LGR4: variants seen among roughly 807,000 people sequenced by gnomAD.
The protein encoded by LGR4 is leucine rich repeat containing G protein-coupled receptor 4.
In LGR4, 44 loss-of-function variants were observed where a neutral mutation model predicts 84.8. That is an observed-to-expected ratio of 0.52 (90% CI 0.41 to 0.67). The LOEUF is 0.67. Ranked by LOEUF, LGR4 falls within the 30% of genes least tolerant of loss-of-function variation. The pLI, the probability that LGR4 is intolerant of heterozygous loss-of-function variation, is 0.00. For missense variants in LGR4, 1,032 were observed against 1,131.4 expected (o/e 0.91, Z 1.26); for synonymous variants, 429 against 434.3 (o/e 0.99, Z 0.15).
chr11:27,472,090 C>CT lies in LGR4; in HGVS notation c.185+27_185+28insA, dbSNP rs754478209. ...CCGCTGGGCCCCGTTTCCTCCCCCC[C>CT]CCTCGCGTCCCCGCCGCCCGCACTC... On this transcript the variant is annotated intron_variant, in intron 1 of 17. Transcript: ENST00000379214. The CT allele has an allele frequency of 2.2e-5, 28 of 1,286,912 alleles. 1 individual carries two copies. The South Asian group carries it at 5.5e-4, about 25-fold the overall frequency. The allele number at this position is 1,286,912 out of a possible 1,614,324, so 79.7% of individuals were successfully genotyped here. A position where few individuals can be genotyped will look rare whatever the true frequency, so the allele number is the denominator to read the frequency against.
chr11:27,379,264 A>G (rs80033533), intron 10 of LGR4: 7,485 of 158,580 alleles, frequency 0.047, 274 homozygotes, highest in Non-Finnish European at 0.062. Context: ...ATTCTTTCAG[A>G]AAAAGAGTGA....
At chr11:27,412,745 T>G (rs1247803382) in intron 2 of LGR4, 44 bp downstream of exon 2, 1 of 1,150,326 alleles carries the variant, frequency 8.7e-7, no homozygotes, top group Admixed American at 1.7e-5. Context: ...CAAAATGAAT[T>G]GGGGAAAAAG....
chr11:27,380,263 T>G lies in LGR4; in HGVS notation c.971+8A>C. 6.3e-7 allele frequency: 1 copy of G among 1,592,932 alleles called. No homozygotes were observed. The highest frequency in any genetic ancestry group is 2.2e-5 in the East Asian group (1 of 44,722). On this transcript the variant is annotated splice_region_variant and intron_variant, in intron 10 of 17. Coordinates refer to ENST00000379214, the MANE Select transcript of LGR4 (RefSeq NM_018490.5). ...TTATACAACCCCTCTTCAAAGGGCC[T>G]TACTTACAGACTTTCCAGGTGGACA...
At chr11:27,379,576 G>C (rs569592600) in intron 10 of LGR4, among the ~76,000 whole-genome samples, 2 of 152,204 alleles carry the variant, frequency 1.3e-5, no homozygotes, top group Admixed American at 1.3e-4. Flanking sequence ...TGTGACCATT[G>C]TAACATTTAA....
intron 1 of LGR4, among the ~76,000 whole-genome samples, chr11:27,434,189 C>G (rs900248072): frequency 1.3e-5 from 2 of 152,186 alleles, no homozygotes; most frequent in Non-Finnish European, 2.9e-5. Flanking sequence ...AAGGCCAGGA[C>G]AGTGAGGGAT....
intron 14 of LGR4, 31 bp from the exon 15 acceptor site, chr11:27,373,707 C>T: frequency 6.6e-7 from 1 of 1,520,790 alleles, no homozygotes; most frequent in South Asian, 1.3e-5. Context: ...CAAGTTAATG[C>T]CCAATATATA....
chr11:27,429,777 A>G (rs1590387143), intron 1 of LGR4, among the ~76,000 whole-genome samples: 1 of 152,202 alleles, frequency 6.6e-6, no homozygotes, highest in African/African-American at 2.4e-5. Flanking sequence ...ACTGGGCAAG[A>G]TTTAAAAGAG....
rs745376796 is a variant in LGR4, at chr11:27,368,847, C to A, written c.1876G>T (p.Val626Phe). The A allele has an allele frequency of 1.2e-6, 2 of 1,613,994 alleles. No homozygotes were observed. The highest frequency in any genetic ancestry group is 1.7e-6 in the Non-Finnish European group (2 of 1,180,014). Residue 626 changes from valine to phenylalanine, a missense_variant, in exon 18 of 18, where the codon GTT becomes TTT. Physicochemically the swap from Val to Phe is conservative, Grantham distance 50. Transcript: ENST00000379214. ...AATATGGCACTTTCTGAGGAGAAAACTGCAAGAAACCCAGCTACTTTGCAG... is the reference window on the plus strand; with the variant it reads ...AATATGGCACTTTCTGAGGAGAAAAATGCAAGAAACCCAGCTACTTTGCAG... ...SGCKVAGFLA[V>F]FSSESAIFLL... is the part of the protein sequence containing the mutation.
intron 6 of LGR4, 96 bp from the exon 7 acceptor site, chr11:27,382,352 C>T (rs1377775593): frequency 3.9e-6 from 3 of 761,774 alleles, no homozygotes; most frequent in Non-Finnish European, 6.8e-6. Context: ...TAAATCATAT[C>T]CTCTGTATGG....
At chr11:27,434,431 T>C (rs534683149) in intron 1 of LGR4, among the ~76,000 whole-genome samples, 99 of 152,372 alleles carry the variant, frequency 6.5e-4, no homozygotes, top group Admixed American at 6.2e-3. Context: ...TCATTTCCCC[T>C]TTTAATATTC....
intron 2 of LGR4, among the ~76,000 whole-genome samples, chr11:27,412,021 T>C (rs536924767): frequency 6.6e-6 from 1 of 152,232 alleles, no homozygotes; most frequent in East Asian, 1.9e-4. Flanking sequence ...TAGCTTGGCC[T>C]GTAGAAGCCT....
chr11:27,435,881 C>T (rs996077834), intron 1 of LGR4, among the ~76,000 whole-genome samples: 2 of 151,818 alleles, frequency 1.3e-5, no homozygotes, highest in Non-Finnish European at 2.9e-5. Flanking sequence ...GGTTCTATCG[C>T]TATTCTCATT....
rs1336516182 is a variant in LGR4, at chr11:27,404,702, CA to C, written c.257+8086del. On this transcript the variant is annotated intron_variant, in intron 2 of 17. Coordinates refer to ENST00000379214, the MANE Select transcript of LGR4 (RefSeq NM_018490.5). ...GACAGGCATACGAGGTCAGTCTGGC[CA>C]ATCAGGATCCCCCTAGGAGTTTTGC... Among the ~76,000 whole-genome samples the C allele has an allele frequency of 3.9e-5, 6 of 152,222 alleles. No homozygotes were observed. In the East Asian group the frequency reaches 9.7e-4, roughly 25 times the overall value.
intron 2 of LGR4, among the ~76,000 whole-genome samples, chr11:27,409,097 T>C (rs1863663685): frequency 6.6e-6 from 1 of 152,116 alleles, no homozygotes; most frequent in Admixed American, 6.6e-5. Context: ...GGAAAAAAAG[T>C]AGGTTAAATG....
chr11:27,441,190 C>T (rs182940285), intron 1 of LGR4, among the ~76,000 whole-genome samples: 1 of 152,112 alleles, frequency 6.6e-6, no homozygotes, highest in Non-Finnish European at 1.5e-5. Context: ...CAAGTATCCT[C>T]AATGCATAGG....
At chr11:27,405,564 C>T (rs1049998591) in intron 2 of LGR4, among the ~76,000 whole-genome samples, 1 of 152,154 alleles carries the variant, frequency 6.6e-6, no homozygotes, top group Non-Finnish European at 1.5e-5. Flanking sequence ...CCCACCTGAA[C>T]TCCACATGTA....
At chr11:27,409,953 T>C (rs1169068021) in intron 2 of LGR4, among the ~76,000 whole-genome samples, 1 of 152,128 alleles carries the variant, frequency 6.6e-6, no homozygotes, top group Non-Finnish European at 1.5e-5. Context: ...GTTTCATTTC[T>C]CCCCCTAGAT....
chr11:27,414,772 C>T (rs545086512), intron 1 of LGR4, among the ~76,000 whole-genome samples: 87 of 152,156 alleles, frequency 5.7e-4, no homozygotes, highest in African/African-American at 1.9e-3. Flanking sequence ...AAAAGGCAGG[C>T]GCAACTCCCA....
chr11:27,466,497 A>G (rs541002358), intron 1 of LGR4, among the ~76,000 whole-genome samples: 3 of 152,368 alleles, frequency 2.0e-5, no homozygotes, highest in Non-Finnish European at 1.5e-5. Context: ...ATTATTATAA[A>G]GATGACTAAA....
Sources: gnomAD v4.1 joint callset for allele counts (sites outside exome capture counted in the v4.1 genomes callset) on GRCh38, gnomAD v4.1.1 for gene constraint, MANE v1.5 for transcripts, NCBI Gene and HGNC (gene_info 2026-07-23, HGNC 2026-07-21) for gene names.